CADPS2: variants seen among roughly 807,000 people sequenced by gnomAD.
CADPS2 encodes the protein calcium dependent secretion activator 2.
CADPS2 carries 93 observed loss-of-function variants against 172.5 expected under a neutral mutation model. The observed-to-expected ratio is 0.54, with a 90% CI of 0.46 to 0.64. The LOEUF (loss-of-function observed/expected upper bound fraction) is 0.64. Among genes scored for constraint, CADPS2 ranks in the 30% least tolerant of loss-of-function variants. The pLI is 0.00. For missense variants in CADPS2, 1,420 were observed against 1,565.9 expected, an observed-to-expected ratio of 0.91 and a Z score of 1.57; for synonymous variants, 546 against 555.2, an observed-to-expected ratio of 0.98 and a Z score of 0.23.
intron 20 of CADPS2, among the ~76,000 whole-genome samples, chr7:122,399,013 T>C (rs1043845327): frequency 6.6e-6 from 1 of 152,174 alleles, no homozygotes; most frequent in Non-Finnish European, 1.5e-5. Flanking sequence ...AATATTAATG[T>C]ATACATTAAC....
chr7:122,547,671 T>C (rs1191938824), intron 8 of CADPS2, among the ~76,000 whole-genome samples: 2 of 152,110 alleles, frequency 1.3e-5, no homozygotes, highest in African/African-American at 4.8e-5. Context: ...ACCATGGCAA[T>C]AGCATTCTAG....
chr7:122,553,669 C>G (rs111293131), intron 8 of CADPS2, among the ~76,000 whole-genome samples: 1 of 152,068 alleles, frequency 6.6e-6, no homozygotes, highest in Non-Finnish European at 1.5e-5. Context: ...ATCATCAGTT[C>G]GCTCCACCCT....
At chr7:122,872,605 T>C (rs1324975679) in intron 1 of CADPS2, among the ~76,000 whole-genome samples, 1 of 152,068 alleles carries the variant, frequency 6.6e-6, no homozygotes, top group African/African-American at 2.4e-5. Flanking sequence ...TTTTTTCTTA[T>C]GATATTCAGC....
chr7:122,622,903 T>A (rs2075743544), intron 4 of CADPS2, among the ~76,000 whole-genome samples: 1 of 152,194 alleles, frequency 6.6e-6, no homozygotes, highest in Admixed American at 6.5e-5. Flanking sequence ...AGTCTCTGAC[T>A]CACTTGCACC....
intron 6 of CADPS2, among the ~76,000 whole-genome samples, chr7:122,611,963 T>C (rs1288454465): frequency 2.0e-5 from 3 of 152,160 alleles, no homozygotes; most frequent in African/African-American, 7.2e-5. Context: ...AAAATCCACA[T>C]GATCATCTCA....
intron 2 of CADPS2, among the ~76,000 whole-genome samples, chr7:122,682,772 A>T (rs914097008): frequency 6.6e-6 from 1 of 152,198 alleles, no homozygotes; most frequent in Admixed American, 6.5e-5. Context: ...ACAAGCTAAG[A>T]GACTCTGAAC....
chr7:122,683,390 A>G (rs2083272073), intron 2 of CADPS2, among the ~76,000 whole-genome samples: 1 of 152,150 alleles, frequency 6.6e-6, no homozygotes, highest in African/African-American at 2.4e-5. Context: ...GAAAACCAAG[A>G]AAAACAGGGT....
chr7:122,412,037 C>T (rs1049530189), intron 19 of CADPS2, among the ~76,000 whole-genome samples: 11 of 152,196 alleles, frequency 7.2e-5, no homozygotes, highest in Admixed American at 2.0e-4. Context: ...GTAGAGCATT[C>T]ATGCTCATGC....
chr7:122,345,568 A>G lies in CADPS2; in HGVS notation c.3612+6T>C. The stretch of plus-strand genomic sequence containing the variant: ...GTCAGCATACCTTGCAAGGGAAGCT[A>G]CTTACATCAAATAACTTTTCTATAT... On this transcript the variant is annotated splice_donor_region_variant and intron_variant, in intron 28 of 29. Coordinates refer to ENST00000449022, the MANE Select transcript of CADPS2 (RefSeq NM_017954.11). The G allele has an allele frequency of 1.3e-6, 2 of 1,533,434 alleles. No homozygotes were observed. Among genetic ancestry groups the G allele is most frequent in the Admixed American group, 1.7e-5 (1 of 59,030 alleles). 95.0% of individuals were successfully genotyped at this position (1,533,434 alleles called of 1,614,324 possible).
chr7:122,514,902 T>C (rs2060247286), intron 8 of CADPS2, among the ~76,000 whole-genome samples: 1 of 152,186 alleles, frequency 6.6e-6, no homozygotes, highest in Admixed American at 6.6e-5. Flanking sequence ...AGTTAATGAT[T>C]TGGAACTTGT....
At position 122,609,128 on chromosome 7, in the gene CADPS2, T is replaced by C. The variant is rs114663787; in HGVS notation, c.1223+6053A>G. The stretch of plus-strand genomic sequence containing the variant: ...CTTATTTTCCTGGCACCAAGATCTA[T>C]CTTCACCTTCCATAGGGTATTACTA... On this transcript the variant is annotated intron_variant, in intron 6 of 29. Coordinates refer to ENST00000449022, the MANE Select transcript of CADPS2 (RefSeq NM_017954.11). Among the ~76,000 whole-genome samples the C allele has an allele frequency of 7.5e-3, 1,142 of 152,272 alleles. 12 individuals are homozygous for C. Among genetic ancestry groups the C allele is most frequent in the African/African-American group, 0.026 (1,077 of 41,568 alleles).
intron 1 of CADPS2, among the ~76,000 whole-genome samples, chr7:122,753,574 A>G (rs535599452): frequency 2.6e-5 from 4 of 152,306 alleles, no homozygotes; most frequent in Non-Finnish European, 4.4e-5. Flanking sequence ...GGAAAAGTAC[A>G]CCTCATTTTC....
rs918145936 is a variant in CADPS2 at position 122,425,064 on chromosome 7, C to T, written c.2477-8900G>A. Among the ~76,000 whole-genome samples, 14 of 152,098 alleles carry T rather than the reference C, an allele frequency of 9.2e-5. No homozygotes were observed. In the South Asian group the frequency reaches 1.5e-3, roughly 16 times the overall value. ...GCGTGATCATGTCTCACTGCAGCCTCGAACCCCCAGGCCCCAGGCCCAAGC... is the reference window on the plus strand; with the variant it reads ...GCGTGATCATGTCTCACTGCAGCCTTGAACCCCCAGGCCCCAGGCCCAAGC... On this transcript the variant is annotated intron_variant, in intron 17 of 29. Transcript: ENST00000449022.
intron 9 of CADPS2, among the ~76,000 whole-genome samples, chr7:122,512,881 C>CT (rs1167563227): frequency 2.6e-5 from 4 of 152,040 alleles, no homozygotes; most frequent in Non-Finnish European, 5.9e-5. Flanking sequence ...AGTTATTTGT[C>CT]TTTTTCACAC....
At chr7:122,686,139 C>A (rs779735237) in intron 2 of CADPS2, among the ~76,000 whole-genome samples, 65 of 152,216 alleles carry the variant, frequency 4.3e-4, no homozygotes, top group Non-Finnish European at 7.9e-4. Context: ...GTGGACTGCC[C>A]AAAACTGTTC....
intron 14 of CADPS2, among the ~76,000 whole-genome samples, chr7:122,468,498 A>G (rs762898062): frequency 1.2e-4 from 19 of 152,190 alleles, no homozygotes; most frequent in Non-Finnish European, 2.6e-4. Context: ...TCCTAACTAC[A>G]TACTTTTTAC....
chr7:122,784,016 A>G (rs563405718), intron 1 of CADPS2, among the ~76,000 whole-genome samples: 1 of 152,294 alleles, frequency 6.6e-6, no homozygotes, highest in African/African-American at 2.4e-5. Flanking sequence ...ACTAAATTGG[A>G]AATTTTGTGT....
chr7:122,537,689 T>C (rs1340185992), intron 8 of CADPS2, among the ~76,000 whole-genome samples: 3 of 151,774 alleles, frequency 2.0e-5, no homozygotes, highest in Admixed American at 6.6e-5. Flanking sequence ...CCTAGGGAAA[T>C]AGAAGAAAGG....
intron 9 of CADPS2, among the ~76,000 whole-genome samples, chr7:122,499,217 CAG>C (rs1227078706): frequency 6.6e-6 from 1 of 152,210 alleles, no homozygotes; most frequent in African/African-American, 2.4e-5. Flanking sequence ...CATCATTTCA[CAG>C]AGATCTAGTT....
Sources: gnomAD v4.1 joint callset for allele counts (sites outside exome capture counted in the v4.1 genomes callset) on GRCh38, gnomAD v4.1.1 for gene constraint, MANE v1.5 for transcripts, NCBI Gene and HGNC (gene_info 2026-07-23, HGNC 2026-07-21) for gene names.